NIPBL: variants seen among roughly 807,000 people sequenced by gnomAD.
NIPBL encodes NIPBL cohesin loading factor, also known as nipped-B-like protein.
NIPBL carries 19 observed loss-of-function variants against 321.8 expected under a neutral mutation model. That is an observed-to-expected ratio of 0.06 (90% CI 0.04 to 0.09). The LOEUF is 0.09. Among genes scored for constraint, NIPBL ranks in the 10% least tolerant of loss-of-function variants. NIPBL has a pLI of 1.00. For synonymous variants in NIPBL, 1,106 were observed against 1,114.1 expected, an observed-to-expected ratio of 0.99 and a Z score of 0.14; for missense variants, 2,210 against 3,327.0, an observed-to-expected ratio of 0.66 and a Z score of 8.26.
intron 8 of NIPBL, among the ~76,000 whole-genome samples, chr5:36,972,320 C>T (rs1200147722): frequency 6.6e-6 from 1 of 152,106 alleles, no homozygotes; most frequent in Non-Finnish European, 1.5e-5. Context: ...TTTCAAACCA[C>T]AACGTTCTTC....
Position 36,961,557 on chromosome 5 carries a change from A to T in NIPBL, c.432A>T (p.Gln144His). ...GTCCTGCATCTTCCAATTATCAACAAACCACTATCTCACATAGCCCCTCCA... is the reference window on the plus strand; with the variant it reads ...GTCCTGCATCTTCCAATTATCAACATACCACTATCTCACATAGCCCCTCCA... The part of the protein sequence containing the change: ...HSSPASSNYQ[Q>H]TTISHSPSSR... Residue 144 changes from glutamine (Q) to histidine (H), a missense_variant, in exon 5 of 47, where the codon CAA becomes CAT. Transcript: ENST00000282516. 6.2e-7 allele frequency: 1 copy of T among 1,607,720 alleles called. No homozygotes were observed. The highest frequency in any genetic ancestry group is 1.7e-5 in the Admixed American group (1 of 60,014).
intron 24 of NIPBL, among the ~76,000 whole-genome samples, chr5:37,018,717 CAT>C (rs1292819524): frequency 6.6e-6 from 1 of 152,176 alleles, no homozygotes; most frequent in African/African-American, 2.4e-5. Flanking sequence ...GCTCTCAACA[CAT>C]ATTTCCAAAA....
chr5:36,898,365 T>C (rs1014975601), intron 1 of NIPBL, among the ~76,000 whole-genome samples: 1 of 152,210 alleles, frequency 6.6e-6, no homozygotes, highest in Non-Finnish European at 1.5e-5. Flanking sequence ...TTATGTCTTA[T>C]TCATGGTCAT....
In NIPBL at chr5:36,962,271, C is replaced by A; in HGVS notation, c.607C>A (p.Gln203Lys). 1 of 1,614,000 alleles carries A rather than the reference C, an allele frequency of 6.2e-7. No homozygotes were observed. Among genetic ancestry groups the A allele is most frequent in the Non-Finnish European group, 8.5e-7 (1 of 1,179,916 alleles). ...SSYTTHPQMQ[Q>K]ASVSSPIVAG... ...TTACACAACACATCCACAGATGCAA[C>A]AAGGTAAGAAAGTTGTTTGTAACTT... The change falls in exon 6 of 47, where the codon CAA becomes AAA. Residue 203 changes from glutamine to lysine, a missense_variant. Gln to Lys is a moderately conservative substitution (Grantham distance 53, BLOSUM62 1). Transcript: ENST00000282516.
chr5:37,009,485 ATTATT>A (rs1436283958), intron 20 of NIPBL, among the ~76,000 whole-genome samples: 3 of 152,216 alleles, frequency 2.0e-5, no homozygotes, highest in Admixed American at 6.5e-5. Flanking sequence ...CTCTAAAATA[ATTATT>A]TTATCTTAAT....
intron 6 of NIPBL, among the ~76,000 whole-genome samples, chr5:36,966,323 C>T (rs1381813836): frequency 6.6e-6 from 1 of 152,058 alleles, no homozygotes; most frequent in East Asian, 1.9e-4. Flanking sequence ...CTAAACTCCA[C>T]TCTTTTCTGC....
At chr5:36,880,509 C>A (rs1380567918) in intron 1 of NIPBL, among the ~76,000 whole-genome samples, 2 of 151,858 alleles carry the variant, frequency 1.3e-5, no homozygotes, top group African/African-American at 2.4e-5. Context: ...ACAGTAATTC[C>A]TTTTAGAGAA....
At chr5:36,971,124 C>A in intron 7 of NIPBL, 88 bp downstream of exon 7, 1 of 1,010,716 alleles carries the variant, frequency 9.9e-7, no homozygotes, top group Non-Finnish European at 1.5e-6. Flanking sequence ...TTGAATGATA[C>A]CTACCGTATA....
chr5:36,978,593 T>TA (rs1456080252), intron 9 of NIPBL, among the ~76,000 whole-genome samples: 2 of 152,068 alleles, frequency 1.3e-5, no homozygotes, highest in Admixed American at 6.6e-5. Context: ...TTAGTTTAAT[T>TA]AAGTCCCATT....
At chr5:37,007,267 TA>T in intron 17 of NIPBL, 55 bp from the exon 18 acceptor site, 1 of 1,474,550 alleles carries the variant, frequency 6.8e-7, no homozygotes, top group South Asian at 1.2e-5. Flanking sequence ...GAGTACTGTT[TA>T]TTAAAAATTA....
At position 37,064,510 on chromosome 5, in the gene NIPBL, C is replaced by G; in HGVS notation, c.8050-17C>G. 6.2e-7 allele frequency: 1 copy of G among 1,610,068 alleles called. No individual in the cohort carries two copies. On this transcript the variant is annotated splice_polypyrimidine_tract_variant and intron_variant, in intron 46 of 46. Coordinates refer to ENST00000282516, the MANE Select transcript of NIPBL (RefSeq NM_133433.4). The stretch of plus-strand genomic sequence containing the variant: ...TGTGTAACACTTGGTCTTTTTTCCC[C>G]CCTCCCAATGTTTTAGTCATTGAGA...
intron 3 of NIPBL, among the ~76,000 whole-genome samples, chr5:36,957,449 T>C (rs1475557055): frequency 6.6e-6 from 1 of 152,222 alleles, no homozygotes; most frequent in African/African-American, 2.4e-5. Flanking sequence ...TATCAACTTT[T>C]TGTGTAACTT....
intron 10 of NIPBL, among the ~76,000 whole-genome samples, chr5:36,994,115 T>TC (rs1210978600): frequency 2.0e-5 from 3 of 152,098 alleles, no homozygotes; most frequent in Non-Finnish European, 4.4e-5. Context: ...CTACCAGTAT[T>TC]CTAAAAAAGA....
intron 1 of NIPBL, among the ~76,000 whole-genome samples, chr5:36,907,753 C>T (rs1747749083): frequency 6.6e-6 from 1 of 152,132 alleles, no homozygotes; most frequent in South Asian, 2.1e-4. Flanking sequence ...AAACCTTAGT[C>T]TTCTCAGAAA....
At chr5:37,046,721 T>C (rs1484214678) in intron 38 of NIPBL, among the ~76,000 whole-genome samples, 1 of 152,142 alleles carries the variant, frequency 6.6e-6, no homozygotes, top group African/African-American at 2.4e-5. Flanking sequence ...CCAGGAAGGA[T>C]TGATGTAATA....
chr5:36,995,476 G>A lies in NIPBL; in HGVS notation c.3122-146G>A, dbSNP rs1746034898. The A allele has an allele frequency of 2.4e-5, 15 of 617,734 alleles. 1 individual carries two copies. In the South Asian group the frequency reaches 3.1e-4, roughly 13 times the overall value. 38.3% of individuals were successfully genotyped at this position (617,734 alleles called of 1,614,324 possible). On this transcript the variant is annotated intron_variant, in intron 10 of 46. Coordinates refer to ENST00000282516, the MANE Select transcript of NIPBL (RefSeq NM_133433.4). ...ATATTAACTATATTGTCACTTTAGG[G>A]TTAAGAGTATTATAGTTGTGTTTTA...
chr5:36,885,963 C>G (rs1745871953), intron 1 of NIPBL: 1 of 731,290 alleles, frequency 1.4e-6, no homozygotes, highest in African/African-American at 1.7e-5. Flanking sequence ...GACATACAGG[C>G]CCAATACGAC....
At chr5:37,019,108 A>C (rs527632980) in intron 24 of NIPBL, among the ~76,000 whole-genome samples, 3 of 152,318 alleles carry the variant, frequency 2.0e-5, no homozygotes, top group African/African-American at 7.2e-5. Flanking sequence ...ATCTCAAAAA[A>C]AGTAAAACAA....
At chr5:37,005,140 ATTC>A (rs1016393068) in intron 16 of NIPBL, among the ~76,000 whole-genome samples, 6 of 152,308 alleles carry the variant, frequency 3.9e-5, no homozygotes, top group Admixed American at 2.6e-4. Context: ...GTCCAAGACA[ATTC>A]TTCTTCCACT....
Sources: allele counts gnomAD v4.1 joint callset (sites outside exome capture counted in the v4.1 genomes callset), GRCh38; gene constraint gnomAD v4.1.1; transcripts MANE v1.5; gene names NCBI Gene and HGNC (gene_info 2026-07-23, HGNC 2026-07-21).